CDCA7L: variants seen among roughly 807,000 people sequenced by gnomAD.
CDCA7L encodes cell division cycle-associated 7-like protein.
In CDCA7L, 44 loss-of-function variants were observed where a neutral mutation model predicts 57.4. The ratio of observed to expected loss-of-function variants is 0.77; its 90% confidence interval spans 0.60 to 0.98. The LOEUF (loss-of-function observed/expected upper bound fraction) is 0.98, where lower values mean the gene tolerates loss of function less well. Among genes scored for constraint, CDCA7L ranks in the 50% least tolerant of loss-of-function variants. The probability of loss-of-function intolerance (pLI) is 0.00; values close to 1 mark genes in which losing one functional copy is unlikely to be tolerated. For synonymous variants in CDCA7L, 236 were observed against 202.8 expected, an observed-to-expected ratio of 1.16 and a Z score of -1.39; for missense variants, 644 against 580.6, an observed-to-expected ratio of 1.11 and a Z score of -1.12.
chr7:21,929,797 T>C (rs1368436648), intron 1 of CDCA7L, among the ~76,000 whole-genome samples: 1 of 152,050 alleles, frequency 6.6e-6, no homozygotes, highest in Non-Finnish European at 1.5e-5. Context: ...ATGCACCCAA[T>C]ACAGGAGCAC....
rs768810808 is a variant in CDCA7L, at chr7:21,904,157, G to A, written c.1150C>T (p.Leu384=). 5.6e-6 allele frequency: 9 copies of A among 1,613,284 alleles called. No homozygotes were observed. In the Admixed American group the frequency reaches 1.5e-4, roughly 27 times the overall value. The part of the protein sequence containing the change: ...GVRGQFCGPC[L]RNRYGEDVRS... The stretch of plus-strand genomic sequence containing the variant: ...ACATCCTCCCCATAGCGGTTCCGCA[G>A]GCATGGTCCACAGAACTGTCCTCGC... The change falls in exon 8 of 10, where the codon CTG becomes TTG. Residue 384 remains leucine, a synonymous_variant. Coordinates refer to ENST00000406877, the MANE Select transcript of CDCA7L (RefSeq NM_018719.5).
At chr7:21,919,039 A>T (rs1293124784) in intron 1 of CDCA7L, among the ~76,000 whole-genome samples, 1 of 152,038 alleles carries the variant, frequency 6.6e-6, no homozygotes, top group Non-Finnish European at 1.5e-5. Flanking sequence ...GCTGGTCTCA[A>T]ATTCCTTGCC....
Position 21,928,707 on chromosome 7 carries a change from A to G in CDCA7L, c.25-11813T>C, listed in dbSNP as rs562936317. Among the ~76,000 whole-genome samples the G allele has an allele frequency of 2.6e-5, 4 of 152,046 alleles. No homozygotes were observed. In the East Asian group the frequency reaches 7.8e-4, roughly 30 times the overall value. On this transcript the variant is annotated intron_variant, in intron 1 of 9. Coordinates refer to ENST00000406877, the MANE Select transcript of CDCA7L (RefSeq NM_018719.5). ...TCAAGCAGAAGAAAGGATATCAGAG[A>G]CTGAAGATCAACTTAATGAAATAAA...
Position 21,902,080 on chromosome 7 carries a change from T to TTTTTAACAAAG in CDCA7L, c.*231_*241dup, listed in dbSNP as rs1462362882. On this transcript the variant is annotated 3_prime_UTR_variant, in exon 10 of 10. Transcript: ENST00000406877. ...TGTGCTTTTTAATAACTGGCAGATA[T>TTTTTAACAAAG]TTTTAACAAAGTTCAGCATACAGAC... 2.4e-5 allele frequency: 12 copies of TTTTTAACAAAG among 510,400 alleles called. No individual in the cohort carries two copies. The highest frequency in any genetic ancestry group is 4.2e-5 in the Non-Finnish European group (12 of 284,532). 31.6% of individuals were successfully genotyped at this position (510,400 alleles called of 1,614,324 possible). A position where few individuals can be genotyped will look rare whatever the true frequency, so the allele number is the denominator to read the frequency against.
At chr7:21,906,480 G>C in intron 5 of CDCA7L, 24 bp from the exon 6 acceptor site, 2 of 1,609,862 alleles carry the variant, frequency 1.2e-6, no homozygotes, top group East Asian at 2.2e-5. Context: ...CACAGACAGA[G>C]ACAACTGGGG....
At chr7:21,904,281 C>A in intron 7 of CDCA7L, 22 bp from the exon 8 acceptor site, 2 of 1,572,812 alleles carry the variant, frequency 1.3e-6, no homozygotes, top group Non-Finnish European at 1.7e-6. Flanking sequence ...AGGCAGTGAG[C>A]AGGTGAACAC....
At chr7:21,923,671 G>A (rs1455146395) in intron 1 of CDCA7L, among the ~76,000 whole-genome samples, 2 of 152,180 alleles carry the variant, frequency 1.3e-5, no homozygotes, top group African/African-American at 2.4e-5. Flanking sequence ...GGGAGGTTCA[G>A]ATACATCATT....
In CDCA7L at chr7:21,911,745, G is replaced by C; in HGVS notation, c.175C>G (p.Arg59Gly). The C allele has an allele frequency of 4.3e-6, 7 of 1,611,512 alleles. No homozygotes were observed. The highest frequency in any genetic ancestry group is 1.3e-5 in the African/African-American group (1 of 74,810). ...SLESGKQQDV[R>G]FHSKYFTEEL... is the part of the protein sequence containing the mutation. Reference sequence around the variant, plus strand: ...TCTGTGAAGTATTTGGAATGAAAGCGCACATCCTGCTAAATTAAAGACACA... The same window carrying C: ...TCTGTGAAGTATTTGGAATGAAAGCCCACATCCTGCTAAATTAAAGACACA... The change falls in exon 3 of 10, where the codon CGC becomes GGC. Residue 59 changes from arginine to glycine, a missense_variant. Arg to Gly is a moderately radical substitution (Grantham distance 125). Coordinates refer to ENST00000406877, the MANE Select transcript of CDCA7L (RefSeq NM_018719.5).
chr7:21,913,425 G>A (rs1236344945), intron 2 of CDCA7L, among the ~76,000 whole-genome samples: 1 of 152,176 alleles, frequency 6.6e-6, no homozygotes, highest in Non-Finnish European at 1.5e-5. Context: ...TACACATACT[G>A]TGTGCAAGTT....
Position 21,903,119 on chromosome 7 carries a change from CAGAG to C in CDCA7L, c.1198-9_1198-6del, listed in dbSNP as rs762183818. On this transcript the variant is annotated splice_polypyrimidine_tract_variant and splice_region_variant and intron_variant, in intron 8 of 9. Transcript: ENST00000406877. ...ACAGGGGGGACACACCCAATCCTAA[CAGAG>C]AGATGACAGCAGACACTTCGCTCAT... 6.2e-7 allele frequency: 1 copy of C among 1,612,618 alleles called. No individual in the cohort carries two copies. The highest frequency in any genetic ancestry group is 8.5e-7 in the Non-Finnish European group (1 of 1,179,520).
At chr7:21,919,946 C>T (rs1488941228) in intron 1 of CDCA7L, among the ~76,000 whole-genome samples, 1 of 152,158 alleles carries the variant, frequency 6.6e-6, no homozygotes. Flanking sequence ...ACATGTACTT[C>T]CCATTTCATC....
Position 21,900,937 on chromosome 7 carries a change from A to G in CDCA7L, c.*1385T>C. On this transcript the variant is annotated 3_prime_UTR_variant, in exon 10 of 10. Coordinates refer to ENST00000406877, the MANE Select transcript of CDCA7L (RefSeq NM_018719.5). ...GAATGTTGAATGTTTATTGCATCAA[A>G]CAACTTACTTGATCATTATCATTAG... The G allele has an allele frequency of 8.2e-7, 1 of 1,222,074 alleles. No homozygotes were observed. The highest frequency in any genetic ancestry group is 2.0e-5 in the African/African-American group (1 of 50,252). 75.7% of individuals were successfully genotyped at this position (1,222,074 alleles called of 1,614,324 possible).
chr7:21,913,389 G>C (rs990998472), intron 2 of CDCA7L, among the ~76,000 whole-genome samples: 3 of 151,554 alleles, frequency 2.0e-5, no homozygotes, highest in East Asian at 2.0e-4. Flanking sequence ...AATTCAAATC[G>C]TGTTTAAGGG....
rs765243951 is a variant in CDCA7L at position 21,901,912 on chromosome 7, G to A, written c.*410C>T. The A allele has an allele frequency of 5.5e-5, 12 of 218,706 alleles. No individual in the cohort carries two copies. Among genetic ancestry groups the A allele is most frequent in the Admixed American group, 1.5e-4 (3 of 19,590 alleles). The allele number at this position is 218,706 out of a possible 1,614,324, so 13.5% of individuals were successfully genotyped here. On this transcript the variant is annotated 3_prime_UTR_variant, in exon 10 of 10. Transcript: ENST00000406877. ...CGATGTGTGTGGTCTATTAAACTGT[G>A]GTCACTCGTGCTAAGGCACACTTGG...
chr7:21,943,185 A>G (rs1786398222), intron 1 of CDCA7L, among the ~76,000 whole-genome samples: 1 of 152,242 alleles, frequency 6.6e-6, no homozygotes, highest in African/African-American at 2.4e-5. Context: ...AAGCACAAAG[A>G]CACAGTGGTC....
At chr7:21,924,260 A>G (rs1302272579) in intron 1 of CDCA7L, among the ~76,000 whole-genome samples, 1 of 152,230 alleles carries the variant, frequency 6.6e-6, no homozygotes, top group African/African-American at 2.4e-5. Flanking sequence ...ACAAGGGCTG[A>G]TTCTGATATA....
chr7:21,918,638 G>C (rs1207778910), intron 1 of CDCA7L, among the ~76,000 whole-genome samples: 1 of 152,134 alleles, frequency 6.6e-6, no homozygotes, highest in Admixed American at 6.5e-5. Context: ...ACTCATTTGG[G>C]TTTACAATTT....
At chr7:21,907,150 A>G (rs1785167686) in intron 4 of CDCA7L, among the ~76,000 whole-genome samples, 1 of 147,506 alleles carries the variant, frequency 6.8e-6, no homozygotes, top group Non-Finnish European at 1.5e-5. Context: ...ATAATACCAA[A>G]TAATAGGCAT....
At chr7:21,944,248 G>C (rs1786434151) in intron 1 of CDCA7L, among the ~76,000 whole-genome samples, 1 of 148,658 alleles carries the variant, frequency 6.7e-6, no homozygotes, top group Admixed American at 6.7e-5. Context: ...AGACCAGACT[G>C]GACAACATTG....
Sources: allele counts gnomAD v4.1 joint callset (sites outside exome capture counted in the v4.1 genomes callset), GRCh38; gene constraint gnomAD v4.1.1; transcripts MANE v1.5; gene names NCBI Gene and HGNC (gene_info 2026-07-23, HGNC 2026-07-21).